Variants in MTUS1 observed in about 807,000 individuals in gnomAD.
MTUS1 encodes microtubule-associated tumor suppressor 1.
In MTUS1, 109 loss-of-function variants were observed where a neutral mutation model predicts 120.8. The ratio of observed to expected loss-of-function variants is 0.90; its 90% confidence interval spans 0.77 to 1.06. The LOEUF (loss-of-function observed/expected upper bound fraction) is 1.06. Among genes scored for constraint, MTUS1 ranks in the 50% least tolerant of loss-of-function variants. The pLI, the probability that MTUS1 is intolerant of heterozygous loss-of-function variation, is 0.00. For synonymous variants in MTUS1, 737 were observed against 550.5 expected (o/e 1.34, Z -4.74); for missense variants, 2,210 against 1,486.3 (o/e 1.49, Z -8.01).
Position 17,755,137 on chromosome 8 carries a change from TC to T in MTUS1, c.670del (p.Asp224IlefsTer18). On this transcript the variant is annotated frameshift_variant, in exon 2 of 15. Coordinates refer to ENST00000693296, the MANE Select transcript of MTUS1 (RefSeq NM_001363059.2). LOFTEE classifies it high-confidence loss of function. The part of the protein sequence containing the change: ...DKTHARETTY[D>X]RESFENPQVT... Reference sequence around the variant, plus strand: ...TTGAGGGTTTTCAAAGCTTTCTCTATCATAAGTAGTTTCTCTTGCATGCGTC... The same window carrying T: ...TTGAGGGTTTTCAAAGCTTTCTCTATATAAGTAGTTTCTCTTGCATGCGTC... The T allele has an allele frequency of 6.2e-7, 1 of 1,614,124 alleles. No individual in the cohort carries two copies. Among genetic ancestry groups the T allele is most frequent in the Non-Finnish European group, 8.5e-7 (1 of 1,180,022 alleles).
At chr8:17,654,118 T>C (rs1807667534) in intron 10 of MTUS1, 1 of 169,000 alleles carries the variant, frequency 5.9e-6, no homozygotes, top group South Asian at 1.6e-4. Flanking sequence ...CTGAAAGCAA[T>C]GGCTTACACC....
intron 3 of MTUS1, among the ~76,000 whole-genome samples, chr8:17,728,579 C>G (rs762039347): frequency 6.6e-6 from 1 of 152,214 alleles, no homozygotes; most frequent in Non-Finnish European, 1.5e-5. Flanking sequence ...TCAGTAAAAA[C>G]TGTAAACTAA....
chr8:17,672,365 G>A (rs1023746846), intron 8 of MTUS1, among the ~76,000 whole-genome samples: 2 of 152,078 alleles, frequency 1.3e-5, no homozygotes, highest in South Asian at 2.1e-4. Flanking sequence ...CATTTTTACC[G>A]AGGATGAAAT....
At chr8:17,699,821 G>A (rs1273984330) in intron 6 of MTUS1, among the ~76,000 whole-genome samples, 1 of 152,142 alleles carries the variant, frequency 6.6e-6, no homozygotes, top group Non-Finnish European at 1.5e-5. Context: ...ACAATCTACT[G>A]CTCCAAGCAC....
At chr8:17,764,471 T>G (rs1186336678) in intron 1 of MTUS1, among the ~76,000 whole-genome samples, 44 of 152,320 alleles carry the variant, frequency 2.9e-4, no homozygotes. Context: ...AACAATAGTT[T>G]ATAATAATGC....
intron 3 of MTUS1, among the ~76,000 whole-genome samples, chr8:17,742,776 C>G (rs1187395934): frequency 6.6e-6 from 1 of 152,128 alleles, no homozygotes; most frequent in Non-Finnish European, 1.5e-5. Flanking sequence ...GTACAGAGAT[C>G]TTCTGGGATT....
At chr8:17,732,885 G>C (rs973879967) in intron 3 of MTUS1, among the ~76,000 whole-genome samples, 9 of 152,038 alleles carry the variant, frequency 5.9e-5, no homozygotes, top group South Asian at 4.2e-4. Flanking sequence ...CCACAACCTG[G>C]TCCGAGAAAA....
intron 4 of MTUS1, among the ~76,000 whole-genome samples, chr8:17,720,104 G>T (rs2045710854): frequency 6.6e-6 from 1 of 152,132 alleles, no homozygotes; most frequent in African/African-American, 2.4e-5. Flanking sequence ...CAGCACTCTG[G>T]GAGGCAGACG....
At position 17,776,641 on chromosome 8, in the gene MTUS1, G is replaced by A. The variant is rs139831853; in HGVS notation, c.-154-20680C>T. Reference sequence around the variant, plus strand: ...TTGTAGTGAGGTGAGACTGCACCACGGCACTCCAGCCTGGGTGACTGAGTG... The same window carrying A: ...TTGTAGTGAGGTGAGACTGCACCACAGCACTCCAGCCTGGGTGACTGAGTG... On this transcript the variant is annotated intron_variant, in intron 1 of 14. Coordinates refer to ENST00000693296, the MANE Select transcript of MTUS1 (RefSeq NM_001363059.2). Among the ~76,000 whole-genome samples, 862 of 124,718 alleles carry A rather than the reference G, an allele frequency of 6.9e-3. 10 individuals are homozygous for A. The highest frequency in any genetic ancestry group is 0.025 in the African/African-American group (819 of 32,856). The allele number at this position is 124,718 out of a possible 152,430, so 81.8% of individuals were successfully genotyped here. A position where few individuals can be genotyped will look rare whatever the true frequency, so the allele number is the denominator to read the frequency against.
intron 8 of MTUS1, among the ~76,000 whole-genome samples, chr8:17,669,938 C>T (rs1299993320): frequency 6.6e-6 from 1 of 152,208 alleles, no homozygotes; most frequent in Non-Finnish European, 1.5e-5. Flanking sequence ...GGGGCGCAGG[C>T]CTGGAGGCAA....
chr8:17,733,261 G>T (rs1370386050), intron 3 of MTUS1, among the ~76,000 whole-genome samples: 1 of 151,760 alleles, frequency 6.6e-6, no homozygotes, highest in African/African-American at 2.4e-5. Flanking sequence ...TGAGGCAGGA[G>T]AATCGCTTAA....
At chr8:17,772,604 C>G (rs1279780796) in intron 1 of MTUS1, among the ~76,000 whole-genome samples, 5 of 152,152 alleles carry the variant, frequency 3.3e-5, no homozygotes, top group African/African-American at 1.2e-4. Context: ...ATTCAGTACT[C>G]TAGTAGGTTG....
intron 8 of MTUS1, among the ~76,000 whole-genome samples, chr8:17,658,868 A>G (rs1809047767): frequency 6.6e-6 from 1 of 152,162 alleles, no homozygotes; most frequent in East Asian, 1.9e-4. Context: ...GAGGAAAAGG[A>G]GGCCACATTG....
chr8:17,761,717 C>A lies in MTUS1; in HGVS notation c.-154-5756G>T, dbSNP rs556925708. The stretch of plus-strand genomic sequence containing the variant: ...AACTGGCTTCATTACTTTATAACCA[C>A]ACAGAATGTAATTTTACTACTTATT... On this transcript the variant is annotated intron_variant, in intron 1 of 14. Transcript: ENST00000693296. Among the ~76,000 whole-genome samples, 11 of 152,314 alleles carry A rather than the reference C, an allele frequency of 7.2e-5. No homozygotes were observed. The South Asian group carries it at 2.1e-3, about 29-fold the overall frequency.
At position 17,754,386 on chromosome 8, in the gene MTUS1, C is replaced by A. The variant is rs1487029590; in HGVS notation, c.1422G>T (p.Leu474=). ...IPDSKEAPVN[L]CKPSLGKSTI... is the part of the protein sequence containing the mutation. ...TTGATTTTCCTAAACTGGGTTTACACAGGTTCACAGGTGCCTCCTTCGAGT... is the reference window on the plus strand; with the variant it reads ...TTGATTTTCCTAAACTGGGTTTACAAAGGTTCACAGGTGCCTCCTTCGAGT... The change falls in exon 2 of 15, where the codon CTG becomes CTT. Residue 474 remains leucine, a synonymous_variant. Coordinates refer to ENST00000693296, the MANE Select transcript of MTUS1 (RefSeq NM_001363059.2). 1.2e-6 allele frequency: 2 copies of A among 1,614,138 alleles called. No individual in the cohort carries two copies. Among genetic ancestry groups the A allele is most frequent in the African/African-American group, 1.3e-5 (1 of 75,040 alleles).
At chr8:17,709,223 G>A (rs555824475) in intron 6 of MTUS1, among the ~76,000 whole-genome samples, 1 of 152,052 alleles carries the variant, frequency 6.6e-6, no homozygotes, top group East Asian at 1.9e-4. Flanking sequence ...CACCTGATGG[G>A]GCATCAAGGA....
intron 6 of MTUS1, among the ~76,000 whole-genome samples, chr8:17,707,022 C>T (rs917067113): frequency 6.6e-6 from 1 of 152,152 alleles, no homozygotes; most frequent in Non-Finnish European, 1.5e-5. Context: ...GTAATCTCCA[C>T]CACTACTTAC....
At chr8:17,738,448 G>A (rs1047284291) in intron 3 of MTUS1, among the ~76,000 whole-genome samples, 1 of 152,202 alleles carries the variant, frequency 6.6e-6, no homozygotes, top group Non-Finnish European at 1.5e-5. Flanking sequence ...CCTGGGAAAA[G>A]CTGGTATTGC....
rs373516410 is a variant in MTUS1, at chr8:17,754,242, G to A, written c.1566C>T (p.Pro522=). ...AKVMSRAVLQ[P]KDAALSKVTP... ...TGACCTTTGATAAAGCAGCATCTTT[G>A]GGCTGCAACACTGCTCTAGACATAA... Residue 522 remains proline (P), a synonymous_variant, in exon 2 of 15, where the codon CCC becomes CCT. Coordinates refer to ENST00000693296, the MANE Select transcript of MTUS1 (RefSeq NM_001363059.2). 261 of 1,613,952 alleles carry A rather than the reference G, an allele frequency of 1.6e-4. 2 individuals are homozygous for A. The highest frequency in any genetic ancestry group is 1.3e-3 in the Middle Eastern group (8 of 6,062).
Sources: gnomAD v4.1 joint callset for allele counts (sites outside exome capture counted in the v4.1 genomes callset) on GRCh38, gnomAD v4.1.1 for gene constraint, MANE v1.5 for transcripts, NCBI Gene and HGNC (gene_info 2026-07-23, HGNC 2026-07-21) for gene names.